Variants in CHIT1 observed in about 807,000 individuals in gnomAD.
CHIT1 encodes the protein chitinase 1, also known as chitotriosidase-1.
Under a neutral mutation model 52.0 loss-of-function variants are expected in CHIT1, and 47 were observed. The observed-to-expected ratio is 0.90, with a 90% CI of 0.71 to 1.15. The LOEUF is 1.15. CHIT1 is among the 50% of genes most tolerant of loss of function. The pLI is 0.00. For synonymous variants in CHIT1, 242 were observed against 228.2 expected (o/e 1.06, Z -0.54); for missense variants, 569 against 583.0 (o/e 0.98, Z 0.25).
chr1:203,217,436 G>C, intron 10 of CHIT1: 1 of 1,420,026 alleles, frequency 7.0e-7, no homozygotes, highest in Non-Finnish European at 9.5e-7. Context: ...CTAAGGGGAG[G>C]CTTTCTCCCA....
At position 203,223,191 on chromosome 1, in the gene CHIT1, C is replaced by A. The variant is rs371464440; in HGVS notation, c.549G>T (p.Ala183=). ...CCACATAGGTCTGCCCAGCTGGAAC[C>A]GCTGCACTCAGAAGAAGGCGTTCCT... is the stretch of plus-strand genomic sequence containing the variant. ...SGKERLLLSA[A]VPAGQTYVDA... The change falls in exon 6 of 11, where the codon GCG becomes GCT. Residue 183 remains alanine, a synonymous_variant. Transcript: ENST00000367229. The A allele has an allele frequency of 6.2e-7, 1 of 1,614,202 alleles. No individual in the cohort carries two copies. Among genetic ancestry groups the A allele is most frequent in the Non-Finnish European group, 8.5e-7 (1 of 1,180,038 alleles).
Position 203,216,869 on chromosome 1 carries a change from A to C in CHIT1, c.*20T>G, listed in dbSNP as rs756287172. On this transcript the variant is annotated 3_prime_UTR_variant, in exon 11 of 11. Coordinates refer to ENST00000367229, the MANE Select transcript of CHIT1 (RefSeq NM_003465.3). The stretch of plus-strand genomic sequence containing the variant: ...TCCTGGGCCCAGCCTCAAAGCTGGG[A>C]CTGGAGGGGCTTTAGCGACTCAATT... 6.2e-7 allele frequency: 1 copy of C among 1,613,618 alleles called. No individual in the cohort carries two copies. The highest frequency in any genetic ancestry group is 2.2e-5 in the East Asian group (1 of 44,880).
rs1392680231 is a variant in CHIT1, at chr1:203,223,265, G to A, written c.481-6C>T. On this transcript the variant is annotated splice_polypyrimidine_tract_variant and splice_region_variant and intron_variant, in intron 5 of 10. Transcript: ENST00000367229. ...TGGAAGGCATTGGCCAAGTCCTGTG[G>A]GAGTGGAGCTCAGAGTCAACACAGG... 6.2e-7 allele frequency: 1 copy of A among 1,614,054 alleles called. No homozygotes were observed. The highest frequency in any genetic ancestry group is 1.3e-5 in the African/African-American group (1 of 74,946).
intron 7 of CHIT1, 85 bp downstream of exon 7, chr1:203,222,117 A>T (rs2102236476): frequency 6.3e-7 from 1 of 1,585,794 alleles, no homozygotes; most frequent in South Asian, 1.1e-5. Context: ...CTTTTTTCCC[A>T]TGAGGGCCTC....
chr1:203,217,798 G>A lies in CHIT1; in HGVS notation c.1097C>T (p.Ala366Val). 7.5e-7 allele frequency: 1 copy of A among 1,327,104 alleles called. No individual in the cohort carries two copies. Among genetic ancestry groups the A allele is most frequent in the Non-Finnish European group, 1.0e-6 (1 of 957,606 alleles). The allele number at this position is 1,327,104 out of a possible 1,614,324, so 82.2% of individuals were successfully genotyped here. A position where few individuals can be genotyped will look rare whatever the true frequency, so the allele number is the denominator to read the frequency against. ...TCGGCCCTGGTTGCAGGAGAAGCCG[G>A]CAAAGTCATCTAAGTCCAGTGCCCA... ...MVWALDLDDF[A>V]GFSCNQGRYP... is the part of the protein sequence containing the mutation. Residue 366 changes from alanine (A) to valine (V), a missense_variant, in exon 10 of 11, where the codon GCC becomes GTC. Physicochemically the swap from Ala to Val is moderately conservative, Grantham distance 64. Coordinates refer to ENST00000367229, the MANE Select transcript of CHIT1 (RefSeq NM_003465.3).
At chr1:203,229,683 G>A (rs1488704261), upstream of CHIT1, 2 of 1,612,278 alleles carry the variant, frequency 1.2e-6, no homozygotes, top group Non-Finnish European at 8.5e-7. Context: ...CAGCTTTCCA[G>A]GTCCTGCTCT....
At chr1:203,217,553 C>T (rs375474445) in intron 10 of CHIT1, among the ~76,000 whole-genome samples, 186 bp downstream of exon 10, 3 of 152,178 alleles carry the variant, frequency 2.0e-5, no homozygotes, top group Non-Finnish European at 4.4e-5. Context: ...AGAGAAAGAC[C>T]GCAAAAAGGA....
Position 203,226,786 on chromosome 1 carries a change from G to C in CHIT1, c.56-916C>G, listed in dbSNP as rs187717941. Among the ~76,000 whole-genome samples, 280 of 152,022 alleles carry C rather than the reference G, an allele frequency of 1.8e-3. 1 individual carries two copies. The highest frequency in any genetic ancestry group is 6.3e-3 in the African/African-American group (261 of 41,452). ...CCCCACTGAGGTCAGCCCTGTGCAG[G>C]GTTGACCAGGACACCAGGAAGCAAG... On this transcript the variant is annotated intron_variant, in intron 2 of 10. Coordinates refer to ENST00000367229, the MANE Select transcript of CHIT1 (RefSeq NM_003465.3).
At position 203,229,055 on chromosome 1, in the gene CHIT1, C is replaced by A. The variant is rs113498143; in HGVS notation, c.26-493G>T. On this transcript the variant is annotated intron_variant, in intron 1 of 10. Coordinates refer to ENST00000367229, the MANE Select transcript of CHIT1 (RefSeq NM_003465.3). The stretch of plus-strand genomic sequence containing the variant: ...CCGCTACCTGGCTGTGGTAGGCAAC[C>A]ACAGCCTTGGAGACCTAGGGTCTGA... Among the ~76,000 whole-genome samples the A allele has an allele frequency of 2.8e-3, 429 of 152,266 alleles. 2 individuals carry two copies. The highest frequency in any genetic ancestry group is 8.2e-3 in the African/African-American group (341 of 41,558).
chr1:203,228,564 TG>T lies in CHIT1; in HGVS notation c.26-3del. The T allele has an allele frequency of 1.3e-6, 2 of 1,585,536 alleles. No homozygotes were observed. Among genetic ancestry groups the T allele is most frequent in the Non-Finnish European group, 8.6e-7 (1 of 1,163,820 alleles). On this transcript the variant is annotated splice_polypyrimidine_tract_variant and splice_region_variant and intron_variant, in intron 1 of 10. Coordinates refer to ENST00000367229, the MANE Select transcript of CHIT1 (RefSeq NM_003465.3). ...GGATCATCAGCAGGACCATGAAACC[TG>T]GAGCAACACAAGAGAGAAGGCCAGG...
At chr1:203,217,712 A>G in intron 10 of CHIT1, 27 bp downstream of exon 10, 5 of 1,613,518 alleles carry the variant, frequency 3.1e-6, no homozygotes, top group Non-Finnish European at 4.2e-6. Context: ...TCCAAATTCC[A>G]CCACTGGCCC....
chr1:203,227,765 CT>C (rs1656977754), intron 2 of CHIT1, among the ~76,000 whole-genome samples: 1 of 152,220 alleles, frequency 6.6e-6, no homozygotes, highest in Non-Finnish European at 1.5e-5. Flanking sequence ...TGGACTAAAG[CT>C]TTTTGAGAAA....
chr1:203,217,459 A>C, intron 10 of CHIT1: 1 of 1,318,058 alleles, frequency 7.6e-7, no homozygotes. Context: ...TAAGAGAGGA[A>C]CAAGGTGCTG....
chr1:203,219,887 A>T, intron 7 of CHIT1, 38 bp from the exon 8 acceptor site: 1 of 1,608,668 alleles, frequency 6.2e-7, no homozygotes, highest in Non-Finnish European at 8.5e-7. Context: ...CTCAGCCCTC[A>T]GCCTGGTTCT....
chr1:203,229,568 C>G (rs1179863876), intron 1 of CHIT1, 44 bp downstream of exon 1: 3 of 1,611,486 alleles, frequency 1.9e-6, no homozygotes, highest in South Asian at 2.2e-5. Flanking sequence ...ACATCCCCAC[C>G]TCCCCACAGC....
upstream of CHIT1, chr1:203,229,676 C>T (rs375531046): frequency 1.7e-4 from 269 of 1,611,452 alleles, no homozygotes; most frequent in Non-Finnish European, 2.2e-4. Context: ...TACAAACCAG[C>T]TTTCCAGGTC....
At chr1:203,228,423 G>T in intron 2 of CHIT1, 110 bp downstream of exon 2, 1 of 1,166,966 alleles carries the variant, frequency 8.6e-7, no homozygotes, top group South Asian at 1.3e-5. Context: ...TTGGAAGAGA[G>T]TCCCCACTGA....
rs116389839 is a variant in CHIT1 at position 203,225,878 on chromosome 1, G to A, written c.56-8C>T. On this transcript the variant is annotated splice_polypyrimidine_tract_variant and splice_region_variant and intron_variant, in intron 2 of 10. Transcript: ENST00000367229. Reference sequence around the variant, plus strand: ...CCAGTTTTGCAGCAGAGCCTGGCCCGTTGGAGTAAAGAAAAGGGATAGCTG... The same window carrying A: ...CCAGTTTTGCAGCAGAGCCTGGCCCATTGGAGTAAAGAAAAGGGATAGCTG... The A allele has an allele frequency of 7.5e-3, 12,046 of 1,614,016 alleles. 64 individuals carry two copies. The highest frequency in any genetic ancestry group is 8.2e-3 in the Non-Finnish European group (9,689 of 1,179,960).
intron 1 of CHIT1, among the ~76,000 whole-genome samples, chr1:203,229,373 T>C (rs536854325): frequency 6.6e-6 from 1 of 152,262 alleles, no homozygotes; most frequent in Non-Finnish European, 1.5e-5. Context: ...CTTCAGCCTG[T>C]TGAGAAAAGC....
Sources: gnomAD v4.1 joint callset for allele counts (sites outside exome capture counted in the v4.1 genomes callset) on GRCh38, gnomAD v4.1.1 for gene constraint, MANE v1.5 for transcripts, NCBI Gene and HGNC (gene_info 2026-07-23, HGNC 2026-07-21) for gene names.